The following PHKB variants were observed in gnomAD, a reference collection of about 807,000 sequenced individuals.
The protein encoded by PHKB is phosphorylase b kinase regulatory subunit beta.
PHKB carries 122 observed loss-of-function variants against 152.1 expected under a neutral mutation model. The ratio of observed to expected loss-of-function variants is 0.80; its 90% CI spans 0.69 to 0.93. The LOEUF is 0.93. Among genes scored for constraint, PHKB ranks in the 40% least tolerant of loss-of-function variants. The pLI is 0.00. For missense variants in PHKB, 1,304 were observed against 1,328.4 expected (o/e 0.98, Z 0.29); for synonymous variants, 436 against 464.9 (o/e 0.94, Z 0.80).
intron 23 of PHKB, among the ~76,000 whole-genome samples, chr16:47,662,611 C>G (rs1277383295): frequency 2.0e-5 from 3 of 152,116 alleles, no homozygotes; most frequent in Admixed American, 2.0e-4. Flanking sequence ...CTTATTATAG[C>G]TAAGAGATAA....
chr16:47,546,609 A>G (rs923978519), intron 6 of PHKB, among the ~76,000 whole-genome samples: 1 of 152,180 alleles, frequency 6.6e-6, no homozygotes, highest in Non-Finnish European at 1.5e-5. Flanking sequence ...GAGGGCAAAC[A>G]CTGTGCTGGG....
chr16:47,639,057 T>A (rs1377288324), intron 14 of PHKB, among the ~76,000 whole-genome samples: 1 of 152,096 alleles, frequency 6.6e-6, no homozygotes, highest in Non-Finnish European at 1.5e-5. Flanking sequence ...GGCAGATCGC[T>A]TGAGCCCAGG....
At chr16:47,591,557 G>T (rs1001399742) in intron 10 of PHKB, among the ~76,000 whole-genome samples, 2 of 151,912 alleles carry the variant, frequency 1.3e-5, no homozygotes, top group East Asian at 3.9e-4. Flanking sequence ...AGTCTCCTTT[G>T]CAGGTTCCTC....
At chr16:47,592,002 C>A (rs1391335719) in intron 10 of PHKB, among the ~76,000 whole-genome samples, 4 of 152,138 alleles carry the variant, frequency 2.6e-5, no homozygotes, top group African/African-American at 9.7e-5. Flanking sequence ...TTTGGGTTAT[C>A]ACAATATAGT....
chr16:47,565,387 TC>T, intron 7 of PHKB: 2 of 1,065,544 alleles, frequency 1.9e-6, no homozygotes, highest in Non-Finnish European at 1.5e-6. Flanking sequence ...GAGCTACTTT[TC>T]CCCCACCACT....
chr16:47,599,072 T>C, intron 13 of PHKB: 1 of 594,250 alleles, frequency 1.7e-6, no homozygotes, highest in African/African-American at 1.9e-5. Flanking sequence ...GGGAAGGTTA[T>C]CTCTGGTTAG....
chr16:47,673,614 A>T (rs1973674271), intron 26 of PHKB, among the ~76,000 whole-genome samples: 1 of 152,192 alleles, frequency 6.6e-6, no homozygotes, highest in Non-Finnish European at 1.5e-5. Context: ...TTACAATCGT[A>T]CATCTCTTAG....
intron 14 of PHKB, among the ~76,000 whole-genome samples, chr16:47,621,016 G>T (rs879747099): frequency 2.6e-5 from 4 of 152,200 alleles, no homozygotes; most frequent in Non-Finnish European, 5.9e-5. Context: ...TGGCTGGGAG[G>T]AGCAGCAAAG....
intron 1 of PHKB, among the ~76,000 whole-genome samples, chr16:47,469,947 A>G (rs537235462): frequency 6.6e-6 from 1 of 152,324 alleles, no homozygotes; most frequent in South Asian, 2.1e-4. Context: ...AGTACTAATG[A>G]TAATAATGAT....
chr16:47,689,524 C>T (rs975044080), intron 27 of PHKB, among the ~76,000 whole-genome samples: 1 of 152,140 alleles, frequency 6.6e-6, no homozygotes, highest in Non-Finnish European at 1.5e-5. Flanking sequence ...AGCATTTTGG[C>T]AGATAGGATT....
chr16:47,665,640 T>A, intron 25 of PHKB: 1 of 442,020 alleles, frequency 2.3e-6, no homozygotes, highest in Non-Finnish European at 4.2e-6. Flanking sequence ...ACACCCTCCC[T>A]CCCTAATCAA....
intron 14 of PHKB, among the ~76,000 whole-genome samples, chr16:47,618,136 T>C (rs1181256422): frequency 1.3e-5 from 2 of 152,270 alleles, no homozygotes; most frequent in African/African-American, 2.4e-5. Context: ...TTGGTGATAC[T>C]CTAAGTGGTA....
chr16:47,649,599 A>G (rs2151730907), intron 18 of PHKB, among the ~76,000 whole-genome samples: 1 of 152,204 alleles, frequency 6.6e-6, no homozygotes, highest in Non-Finnish European at 1.5e-5. Flanking sequence ...ATGAGTTAAA[A>G]TCTTCACTCC....
At chr16:47,687,885 A>G (rs1458972128) in intron 26 of PHKB, among the ~76,000 whole-genome samples, 1 of 152,192 alleles carries the variant, frequency 6.6e-6, no homozygotes, top group Non-Finnish European at 1.5e-5. Context: ...CCTGGTTGAC[A>G]CCCGGTAAGG....
At chr16:47,698,614 T>TTTTC (rs1974194953) in intron 30 of PHKB, 26 bp downstream of exon 30, 2 of 1,518,368 alleles carry the variant, frequency 1.3e-6, no homozygotes, top group African/African-American at 2.8e-5. Flanking sequence ...TTTTTTTTTT[T>TTTTC]TTTTTTTTGA....
intron 7 of PHKB, chr16:47,561,495 A>G (rs1484233590): frequency 6.6e-6 from 1 of 152,208 alleles, no homozygotes; most frequent in Non-Finnish European, 1.5e-5. Context: ...TCTCTTTTTT[A>G]AAGTCAGAGT....
At chr16:47,678,214 G>A (rs1973772958) in intron 26 of PHKB, among the ~76,000 whole-genome samples, 1 of 151,944 alleles carries the variant, frequency 6.6e-6, no homozygotes, top group Non-Finnish European at 1.5e-5. Context: ...ATTGTGAATA[G>A]TGCCACAATA....
rs1315742130 is a variant in PHKB at position 47,503,016 on chromosome 16, A to T, written c.331A>T (p.Thr111Ser). ...YRRIDDDKGRTHELEHSAIKC... is the reference protein window; with the variant it reads ...YRRIDDDKGRSHELEHSAIKC... ...GCGAATTGATGATGACAAGGGAAGG[A>T]CCCATGAGCTGGAGCACTCAGCTAT... is the stretch of plus-strand genomic sequence containing the variant. The change falls in exon 4 of 31, where the codon ACC becomes TCC. Residue 111 changes from threonine to serine, a missense_variant. Thr to Ser is a moderately conservative substitution (Grantham distance 58). Transcript: ENST00000323584. 1 of 1,613,358 alleles carries T rather than the reference A, an allele frequency of 6.2e-7. No individual in the cohort carries two copies. The highest frequency in any genetic ancestry group is 8.5e-7 in the Non-Finnish European group (1 of 1,179,258).
At chr16:47,488,969 A>G (rs191058835) in intron 1 of PHKB, among the ~76,000 whole-genome samples, 2 of 151,870 alleles carry the variant, frequency 1.3e-5, no homozygotes, top group Non-Finnish European at 2.9e-5. Context: ...TTTTTTTTCT[A>G]TTTCTGTGTA....
Sources: allele counts gnomAD v4.1 joint callset (sites outside exome capture counted in the v4.1 genomes callset), GRCh38; gene constraint gnomAD v4.1.1; transcripts MANE v1.5; gene names NCBI Gene and HGNC (gene_info 2026-07-23, HGNC 2026-07-21).